The following NAALADL2 variants were observed in gnomAD, a reference collection of about 807,000 sequenced individuals.
NAALADL2 encodes the protein inactive N-acetylated-alpha-linked acidic dipeptidase-like protein 2.
A neutral mutation model predicts 87.2 loss-of-function variants in NAALADL2; 76 were observed. That is an observed-to-expected ratio of 0.87 (90% CI 0.72 to 1.05). NAALADL2 has a LOEUF of 1.05. Ranked by LOEUF, NAALADL2 falls within the 50% of genes least tolerant of loss-of-function variation. The probability of loss-of-function intolerance (pLI) is 0.00; values close to 1 mark genes in which losing one functional copy is unlikely to be tolerated. For synonymous variants in NAALADL2, 354 were observed against 331.0 expected (o/e 1.07, Z -0.75); for missense variants, 1,089 against 945.8 (o/e 1.15, Z -1.99).
At chr3:174,855,808 A>T (rs1007521993), upstream of NAALADL2, among the ~76,000 whole-genome samples, 1 of 149,768 alleles carries the variant, frequency 6.7e-6, no homozygotes, top group Non-Finnish European at 1.5e-5. Context: ...ACACACACAC[A>T]CACACACACA....
chr3:174,735,556 A>AT (rs1370308077), intron 2 of NAALADL2, among the ~76,000 whole-genome samples: 1 of 151,458 alleles, frequency 6.6e-6, no homozygotes, highest in African/African-American at 2.4e-5. Context: ...TCTCCTTCAT[A>AT]TTTTTTTGTT....
chr3:174,851,765 G>A (rs1228288452), intron 3 of NAALADL2, among the ~76,000 whole-genome samples: 1 of 151,814 alleles, frequency 6.6e-6, no homozygotes, highest in African/African-American at 2.4e-5. Flanking sequence ...GCAAAACCAG[G>A]CAAAGAAAAA....
Position 175,729,716 on chromosome 3 carries a change from C to T in NAALADL2, c.1897-7590C>T, listed in dbSNP as rs758777883. Among the ~76,000 whole-genome samples, 31 of 151,680 alleles carry T rather than the reference C, an allele frequency of 2.0e-4. 1 individual carries two copies. Among genetic ancestry groups the T allele is most frequent in the Admixed American group, 1.8e-3 (27 of 15,216 alleles). On this transcript the variant is annotated intron_variant, in intron 11 of 13. Coordinates refer to ENST00000454872, the MANE Select transcript of NAALADL2 (RefSeq NM_207015.3). ...TTGTGATTTTGAGGGCTGCCAGATT[C>T]GCAAATCACTCATTGCACAATTAAA...
At chr3:175,014,026 G>GTCATTTGCC (rs1235636583) in intron 1 of NAALADL2, among the ~76,000 whole-genome samples, 17 of 152,228 alleles carry the variant, frequency 1.1e-4, no homozygotes, top group African/African-American at 3.9e-4. Context: ...TCCGACCTCT[G>GTCATTTGCC]TCATTTGCCA....
At chr3:175,501,714 A>G (rs573743385) in intron 9 of NAALADL2, among the ~76,000 whole-genome samples, 2 of 152,264 alleles carry the variant, frequency 1.3e-5, no homozygotes, top group East Asian at 1.9e-4. Context: ...TCACTTTGAG[A>G]CAAATTAAGT....
chr3:175,362,790 T>A (rs1765179949), intron 5 of NAALADL2, among the ~76,000 whole-genome samples: 1 of 147,956 alleles, frequency 6.8e-6, no homozygotes, highest in Non-Finnish European at 1.5e-5. Context: ...CTAGTTTGCA[T>A]TCCCGCCAGC....
intron 1 of NAALADL2, among the ~76,000 whole-genome samples, chr3:174,982,856 G>C (rs764702680): frequency 6.6e-6 from 1 of 151,714 alleles, no homozygotes; most frequent in Non-Finnish European, 1.5e-5. Flanking sequence ...GAAGTACAGT[G>C]GCATGATCTC....
intron 1 of NAALADL2, among the ~76,000 whole-genome samples, chr3:175,028,761 A>T (rs1752482795): frequency 6.6e-6 from 1 of 152,036 alleles, no homozygotes; most frequent in African/African-American, 2.4e-5. Flanking sequence ...ATACTATTCC[A>T]CCTCTCAATA....
chr3:175,029,931 T>A (rs1388329801), intron 1 of NAALADL2, among the ~76,000 whole-genome samples: 1 of 152,088 alleles, frequency 6.6e-6, no homozygotes, highest in Non-Finnish European at 1.5e-5. Flanking sequence ...TCAGGCAATA[T>A]ATATGTTAGA....
At chr3:175,012,491 A>G (rs1749968368) in intron 1 of NAALADL2, among the ~76,000 whole-genome samples, 1 of 152,050 alleles carries the variant, frequency 6.6e-6, no homozygotes, top group South Asian at 2.1e-4. Context: ...AGAAATGAAA[A>G]TGTTTACTCC....
intron 3 of NAALADL2, among the ~76,000 whole-genome samples, chr3:174,836,708 C>CAAAAAAAAAA (rs36091749): frequency 1.5e-5 from 1 of 65,386 alleles, no homozygotes; most frequent in Non-Finnish European, 2.8e-5. Context: ...GACTCCGTCT[C>CAAAAAAAAAA]AAAAAAAAAA....
intron 2 of NAALADL2, among the ~76,000 whole-genome samples, chr3:174,679,581 C>A (rs1173767480): frequency 6.6e-6 from 1 of 152,100 alleles, no homozygotes. Flanking sequence ...CCTATAACAG[C>A]AGAAACCTCT....
At chr3:175,696,221 C>T (rs757159049) in intron 11 of NAALADL2, among the ~76,000 whole-genome samples, 30 of 152,066 alleles carry the variant, frequency 2.0e-4, no homozygotes, top group Non-Finnish European at 4.3e-4. Flanking sequence ...ACAGAGTATT[C>T]TGCTTGATGC....
chr3:175,605,644 T>TG (rs1723605767), intron 10 of NAALADL2, among the ~76,000 whole-genome samples: 4 of 133,012 alleles, frequency 3.0e-5, no homozygotes, highest in African/African-American at 1.1e-4. Context: ...TTGCTTGTTT[T>TG]TTTTTTTTTT....
intron 10 of NAALADL2, among the ~76,000 whole-genome samples, chr3:175,611,678 T>G (rs1288078094): frequency 3.3e-5 from 5 of 152,268 alleles, no homozygotes; most frequent in African/African-American, 4.8e-5. Context: ...GGAAAGATGC[T>G]ATCAGAAATC....
chr3:174,908,926 G>A lies in NAALADL2; in HGVS notation c.43+49476G>A, dbSNP rs144086906. ...GAGGGATGGCTATAGCAACCTTGATGATAAAGGAAAATTTGTGCAGAAAAG... is the reference window on the plus strand; with the variant it reads ...GAGGGATGGCTATAGCAACCTTGATAATAAAGGAAAATTTGTGCAGAAAAG... On this transcript the variant is annotated intron_variant, in intron 1 of 13. Coordinates refer to ENST00000454872, the MANE Select transcript of NAALADL2 (RefSeq NM_207015.3). 4.1e-3 allele frequency among the ~76,000 whole-genome samples: 622 copies of A among 151,760 alleles called. 3 individuals are homozygous for A. The highest frequency in any genetic ancestry group is 6.8e-3 in the Middle Eastern group (2 of 292).
At chr3:175,371,411 G>A (rs930308911) in intron 5 of NAALADL2, among the ~76,000 whole-genome samples, 7 of 152,028 alleles carry the variant, frequency 4.6e-5, no homozygotes, top group Admixed American at 1.3e-4. Context: ...GGGATTACAG[G>A]CGCCCGCCAC....
intron 3 of NAALADL2, among the ~76,000 whole-genome samples, chr3:174,854,286 A>G (rs78476683): frequency 0.025 from 3,842 of 152,306 alleles, 160 homozygotes; most frequent in African/African-American, 0.087. Context: ...GCACAGAAAG[A>G]TAAATATTGC....
At chr3:174,723,470 A>C (rs1731881733) in intron 2 of NAALADL2, among the ~76,000 whole-genome samples, 1 of 152,108 alleles carries the variant, frequency 6.6e-6, no homozygotes, top group South Asian at 2.1e-4. Flanking sequence ...AAATGCCCAG[A>C]TAGGGCTGGG....
Sources: gnomAD v4.1 joint callset for allele counts (sites outside exome capture counted in the v4.1 genomes callset) on GRCh38, gnomAD v4.1.1 for gene constraint, MANE v1.5 for transcripts, NCBI Gene and HGNC (gene_info 2026-07-23, HGNC 2026-07-21) for gene names.